Variants in OSTN observed in about 807,000 individuals in gnomAD.
OSTN encodes the protein osteocrin.
OSTN carries 9 observed loss-of-function variants against 12.0 expected under a neutral mutation model. That is an observed-to-expected ratio of 0.75 (90% CI 0.45 to 1.30). The LOEUF (loss-of-function observed/expected upper bound fraction) is 1.30, where lower values mean the gene tolerates loss of function less well. Among genes scored for constraint, OSTN ranks in the 50% most tolerant of loss-of-function variants. OSTN has a pLI of 0.00. For synonymous variants in OSTN, 59 were observed against 56.9 expected (o/e 1.04, Z -0.16); for missense variants, 148 against 152.3 (o/e 0.97, Z 0.15).
chr3:191,250,084 G>T lies in OSTN; in HGVS notation c.365G>T (p.Arg122Leu). The change falls in exon 4 of 5, where the codon CGG (arginine) becomes CTG (leucine). Residue 122 changes from arginine (R) to leucine (L), a missense_variant. Transcript: ENST00000682035. ...AGGCGATTTGGTATCCCCATGGATC[G>T]GATTGGTAGAAACCGGCTTTCAAAT... ...PKRRFGIPMD[R>L]IGRNRLSNSR... 6.2e-7 allele frequency: 1 copy of T among 1,613,620 alleles called. No individual in the cohort carries two copies. Among genetic ancestry groups the T allele is most frequent in the Non-Finnish European group, 8.5e-7 (1 of 1,179,622 alleles).
chr3:191,253,383 G>A (rs2108553852), intron 4 of OSTN, among the ~76,000 whole-genome samples: 2 of 152,304 alleles, frequency 1.3e-5, no homozygotes, highest in Admixed American at 1.3e-4. Flanking sequence ...AATGCCCGCT[G>A]AGGTTTTGCT....
chr3:191,215,713 C>T (rs1714591393), intron 2 of OSTN, among the ~76,000 whole-genome samples: 1 of 152,232 alleles, frequency 6.6e-6, no homozygotes, highest in Non-Finnish European at 1.5e-5. Context: ...GACTCCATGT[C>T]TCACATCCAG....
rs1715844923 is a variant in OSTN, at chr3:191,262,927, C to T, written c.*74C>T. 4 of 700,924 alleles carry T rather than the reference C, an allele frequency of 5.7e-6. No individual in the cohort carries two copies. Among genetic ancestry groups the T allele is most frequent in the Non-Finnish European group, 1.0e-5 (4 of 383,700 alleles). The allele number at this position is 700,924 out of a possible 1,614,324, so 43.4% of individuals were successfully genotyped here. ...GAAGATGCTTCACTGAAGTTATTCACACTTCTTAATGATTAAACTTTTAAG... is the reference window on the plus strand; with the variant it reads ...GAAGATGCTTCACTGAAGTTATTCATACTTCTTAATGATTAAACTTTTAAG... On this transcript the variant is annotated 3_prime_UTR_variant, in exon 5 of 5. Transcript: ENST00000682035.
At chr3:191,223,439 G>T (rs1307867756) in intron 3 of OSTN, among the ~76,000 whole-genome samples, 1 of 152,200 alleles carries the variant, frequency 6.6e-6, no homozygotes, top group Non-Finnish European at 1.5e-5. Flanking sequence ...GCAAGAAAGA[G>T]AATGTGTTAT....
Position 191,259,699 on chromosome 3 carries a change from T to C in OSTN, c.*13-3167T>C, listed in dbSNP as rs538529058. Among the ~76,000 whole-genome samples the C allele has an allele frequency of 6.6e-5, 10 of 151,986 alleles. No homozygotes were observed. The East Asian group carries it at 1.4e-3, about 21-fold the overall frequency. Reference sequence around the variant, plus strand: ...GGCGTTGATGCTGAAAGCATGGACTTTTAACTATTAGACCACAAGGCAGGA... The same window carrying C: ...GGCGTTGATGCTGAAAGCATGGACTCTTAACTATTAGACCACAAGGCAGGA... On this transcript the variant is annotated intron_variant, in intron 4 of 4. Transcript: ENST00000682035.
intron 1 of OSTN, among the ~76,000 whole-genome samples, chr3:191,208,646 A>G (rs1486034458): frequency 6.6e-6 from 1 of 152,236 alleles, no homozygotes; most frequent in Non-Finnish European, 1.5e-5. Flanking sequence ...AATATTGTAA[A>G]CACTCATCAT....
chr3:191,212,352 G>T (rs539948070), intron 1 of OSTN, among the ~76,000 whole-genome samples, 181 bp from the exon 2 acceptor site: 1 of 152,152 alleles, frequency 6.6e-6, no homozygotes, highest in Non-Finnish European at 1.5e-5. Context: ...GACAGAATTC[G>T]TTCTGGGAGA....
intron 2 of OSTN, chr3:191,213,285 C>A (rs569392936): frequency 6.6e-6 from 1 of 152,166 alleles, no homozygotes; most frequent in African/African-American, 2.4e-5. Context: ...TCAAGAAAAT[C>A]GGTAGTTTTT....
intron 3 of OSTN, among the ~76,000 whole-genome samples, chr3:191,244,786 AAATG>A (rs1238657079): frequency 6.6e-6 from 1 of 150,768 alleles, no homozygotes; most frequent in Non-Finnish European, 1.5e-5. Flanking sequence ...AAAAATTTTA[AAATG>A]AATTGATTTT....
In OSTN at chr3:191,250,101, C is replaced by A. The variant is rs776632011; in HGVS notation, c.382C>A (p.Leu128Ile). ...CATGGATCGGATTGGTAGAAACCGG[C>A]TTTCAAATTCCAGAGGCTAATTGAT... ...IPMDRIGRNR[L>I]SNSRG Residue 128 changes from leucine to isoleucine, a missense_variant, in exon 4 of 5, where the codon CTT (leucine) becomes ATT (isoleucine). Transcript: ENST00000682035. 2.5e-6 allele frequency: 4 copies of A among 1,612,790 alleles called. No individual in the cohort carries two copies. In the African/African-American group the frequency reaches 4.0e-5, roughly 16 times the overall value.
At chr3:191,241,386 A>G (rs551456486) in intron 3 of OSTN, among the ~76,000 whole-genome samples, 13 of 151,536 alleles carry the variant, frequency 8.6e-5, no homozygotes, top group Non-Finnish European at 1.3e-4. Context: ...GGGTTTCACT[A>G]TGTTAGCCAG....
chr3:191,210,763 G>A (rs926999011), intron 1 of OSTN, among the ~76,000 whole-genome samples: 3 of 152,100 alleles, frequency 2.0e-5, no homozygotes, highest in African/African-American at 4.8e-5. Context: ...CATTCATAAA[G>A]GATGAAGTTG....
rs1714101286 is a variant in OSTN at position 191,199,293 on chromosome 3, C to T, written c.-15C>T. On this transcript the variant is annotated 5_prime_UTR_variant, in exon 1 of 5. Coordinates refer to ENST00000682035, the MANE Select transcript of OSTN (RefSeq NM_198184.2). ...GACAGTACTCTAAAGTTAGAATCTC[C>T]TGATCTTTCACGAGGTAAGTTATAT... The T allele has an allele frequency of 6.6e-6, 1 of 152,094 alleles. No individual in the cohort carries two copies. Among genetic ancestry groups the T allele is most frequent in the South Asian group, 2.1e-4 (1 of 4,816 alleles). The allele number at this position is 152,094 out of a possible 1,614,324, so 9.4% of individuals were successfully genotyped here.
In OSTN at chr3:191,263,165, T is replaced by A. The variant is rs1715849827; in HGVS notation, c.*312T>A. 3.1e-6 allele frequency: 1 copy of A among 318,166 alleles called. No individual in the cohort carries two copies. Among genetic ancestry groups the A allele is most frequent in the Non-Finnish European group, 5.7e-6 (1 of 174,670 alleles). 19.7% of individuals were successfully genotyped at this position (318,166 alleles called of 1,614,324 possible). A position where few individuals can be genotyped will look rare whatever the true frequency, so the allele number is the denominator to read the frequency against. ...ACAATACAGTGAAATGCCTTCTGTA[T>A]GGATTTACCATGCACATGTTTGTAG... On this transcript the variant is annotated 3_prime_UTR_variant, in exon 5 of 5. Coordinates refer to ENST00000682035, the MANE Select transcript of OSTN (RefSeq NM_198184.2).
chr3:191,224,302 G>A (rs1252039931), intron 3 of OSTN, among the ~76,000 whole-genome samples: 1 of 151,536 alleles, frequency 6.6e-6, no homozygotes, highest in Non-Finnish European at 1.5e-5. Flanking sequence ...ACTTGAGAAT[G>A]GCAGCAGAGG....
intron 1 of OSTN, among the ~76,000 whole-genome samples, chr3:191,203,308 C>T (rs1714194331): frequency 6.6e-6 from 1 of 152,136 alleles, no homozygotes; most frequent in Non-Finnish European, 1.5e-5. Flanking sequence ...ATGGTCTCTG[C>T]CCTAAACGAG....
intron 3 of OSTN, among the ~76,000 whole-genome samples, chr3:191,247,994 C>G (rs1484318150): frequency 6.6e-6 from 1 of 151,960 alleles, no homozygotes. Context: ...CCACCATGCC[C>G]TGCTAATTTT....
intron 1 of OSTN, among the ~76,000 whole-genome samples, chr3:191,207,906 T>G (rs1714319511): frequency 6.6e-6 from 1 of 152,220 alleles, no homozygotes; most frequent in African/African-American, 2.4e-5. Flanking sequence ...GTATAGTCAA[T>G]TCTTACATGT....
intron 4 of OSTN, among the ~76,000 whole-genome samples, chr3:191,262,465 T>C (rs1715833625): frequency 6.6e-6 from 1 of 152,246 alleles, no homozygotes; most frequent in South Asian, 2.1e-4. Flanking sequence ...TATACAACTT[T>C]CAATGTGTTA....
Sources: allele counts gnomAD v4.1 joint callset (sites outside exome capture counted in the v4.1 genomes callset), GRCh38; gene constraint gnomAD v4.1.1; transcripts MANE v1.5; gene names NCBI Gene and HGNC (gene_info 2026-07-23, HGNC 2026-07-21).